Variants in ST3GAL5 observed in about 807,000 individuals in gnomAD.
ST3GAL5 encodes the protein lactosylceramide alpha-2,3-sialyltransferase.
In ST3GAL5, 25 loss-of-function variants were observed where a neutral mutation model predicts 46.1. The ratio of observed to expected loss-of-function variants is 0.54; its 90% CI spans 0.40 to 0.76. ST3GAL5 has a LOEUF of 0.76. ST3GAL5 is among the 30% of genes least tolerant of loss of function. The pLI is 0.00. For synonymous variants in ST3GAL5, 182 were observed against 192.7 expected, an observed-to-expected ratio of 0.94 and a Z score of 0.46; for missense variants, 431 against 521.2, an observed-to-expected ratio of 0.83 and a Z score of 1.69.
rs373154047 is a variant in ST3GAL5 at position 85,857,066 on chromosome 2, C to CA, written c.318+4114dup. Among the ~76,000 whole-genome samples, 701 of 70,790 alleles carry CA rather than the reference C, an allele frequency of 9.9e-3. 37 individuals carry two copies. The highest frequency in any genetic ancestry group is 0.023 in the African/African-American group (387 of 16,758). 46.4% of individuals were successfully genotyped at this position (70,790 alleles called of 152,430 possible). A position where few individuals can be genotyped will look rare whatever the true frequency, so the allele number is the denominator to read the frequency against. ...AAACACGGTAAGACCCTGCCTCTAC[C>CA]AAAAAAAAAAAAAAAAAAAAAAAAA... On this transcript the variant is annotated intron_variant, in intron 3 of 6. Coordinates refer to ENST00000638572, the MANE Select transcript of ST3GAL5 (RefSeq NM_003896.4).
Position 85,852,921 on chromosome 2 carries a change from G to T in ST3GAL5, c.319-4717C>A, listed in dbSNP as rs114207176. 324 of 1,301,956 alleles carry T rather than the reference G, an allele frequency of 2.5e-4. 1 individual carries two copies. Among genetic ancestry groups the T allele is most frequent in the Admixed American group, 6.0e-4 (26 of 43,508 alleles). 80.7% of individuals were successfully genotyped at this position (1,301,956 alleles called of 1,614,324 possible). A position where few individuals can be genotyped will look rare whatever the true frequency, so the allele number is the denominator to read the frequency against. On this transcript the variant is annotated intron_variant, in intron 3 of 6. Transcript: ENST00000638572. ...GCAGCACTAAGGAGAGAAAAGACTC[G>T]GTTTGAAGATGCTGGTGCCTGGGCT...
At chr2:85,842,990 T>G (rs1270571971) in intron 6 of ST3GAL5, among the ~76,000 whole-genome samples, 3 of 152,170 alleles carry the variant, frequency 2.0e-5, no homozygotes, top group Non-Finnish European at 2.9e-5. Flanking sequence ...ACTCCTGACC[T>G]CAGGTGATCT....
chr2:85,846,419 A>C lies in ST3GAL5; in HGVS notation c.807T>G (p.Val269=). 6.2e-7 allele frequency: 1 copy of C among 1,614,210 alleles called. No homozygotes were observed. The highest frequency in any genetic ancestry group is 8.5e-7 in the Non-Finnish European group (1 of 1,180,038). ...DLFVAVLFKS[V]DFNWLQAMVK... ...CCATTGCTTGAAGCCAGTTGAAATC[A>C]ACACTCTTAAATAAAACAGCAACAA... The change falls in exon 5 of 7, where the codon GTT becomes GTG. Residue 269 remains valine (V), a synonymous_variant. Transcript: ENST00000638572.
chr2:85,847,086 G>T (rs575732920), intron 4 of ST3GAL5, among the ~76,000 whole-genome samples: 1 of 152,074 alleles, frequency 6.6e-6, no homozygotes, highest in Non-Finnish European at 1.5e-5. Flanking sequence ...GAGCCACTGC[G>T]CCTGGCCAGA....
At position 85,873,867 on chromosome 2, in the gene ST3GAL5, G is replaced by A. The variant is rs1306972501; in HGVS notation, c.83-10382C>T. Among the ~76,000 whole-genome samples, 5 of 152,192 alleles carry A rather than the reference G, an allele frequency of 3.3e-5. 1 individual carries two copies. The highest frequency in any genetic ancestry group is 3.3e-4 in the Admixed American group (5 of 15,274). On this transcript the variant is annotated intron_variant, in intron 1 of 6. Transcript: ENST00000638572. ...ACTTCATCCCCAGAATGTCCCCCCT[G>A]GTGGTAGGTCCAGGTGAGGATGCTG...
chr2:85,840,802 G>T (rs1272947282), intron 6 of ST3GAL5, among the ~76,000 whole-genome samples: 1 of 151,702 alleles, frequency 6.6e-6, no homozygotes, highest in Non-Finnish European at 1.5e-5. Flanking sequence ...AATTTAGCCA[G>T]GTGTGGTGGC....
At chr2:85,888,051 T>C (rs1436626144) in intron 1 of ST3GAL5, 1 of 152,194 alleles carries the variant, frequency 6.6e-6, no homozygotes, top group Non-Finnish European at 1.5e-5. Flanking sequence ...TATTTTTTTA[T>C]GATTAGAAAA....
At chr2:85,863,330 G>C (rs573543171) in intron 2 of ST3GAL5, 32 bp downstream of exon 2, 3 of 1,613,366 alleles carry the variant, frequency 1.9e-6, no homozygotes, top group East Asian at 4.5e-5. Context: ...ACCCAAAGCA[G>C]GGGGATCTAC....
chr2:85,863,109 C>A (rs1271525467), intron 2 of ST3GAL5, among the ~76,000 whole-genome samples: 1 of 152,212 alleles, frequency 6.6e-6, no homozygotes, highest in African/African-American at 2.4e-5. Context: ...CTCTCCCAGG[C>A]ATCCAGGCCA....
At chr2:85,874,813 A>G (rs1686341600) in intron 1 of ST3GAL5, among the ~76,000 whole-genome samples, 2 of 151,320 alleles carry the variant, frequency 1.3e-5, no homozygotes, top group South Asian at 4.2e-4. Context: ...AGATCCCCAC[A>G]CAAAGTTAAC....
chr2:85,864,314 T>G (rs942045901), intron 1 of ST3GAL5, among the ~76,000 whole-genome samples: 1 of 152,174 alleles, frequency 6.6e-6, no homozygotes, highest in Admixed American at 6.5e-5. Flanking sequence ...GTTTATTTTT[T>G]TTAAAAAGGA....
chr2:85,851,606 C>G, intron 3 of ST3GAL5: 1 of 1,289,404 alleles, frequency 7.8e-7, no homozygotes, highest in South Asian at 1.2e-5. Context: ...TAAGTTGAAC[C>G]GGCATCTGCT....
chr2:85,868,452 C>A (rs565761949), intron 1 of ST3GAL5, among the ~76,000 whole-genome samples: 1 of 151,704 alleles, frequency 6.6e-6, no homozygotes, highest in South Asian at 2.1e-4. Context: ...CAGGCACACA[C>A]CACCATGCCG....
chr2:85,851,273 G>T (rs1465593790), intron 3 of ST3GAL5: 1 of 1,122,152 alleles, frequency 8.9e-7, no homozygotes, highest in Non-Finnish European at 1.1e-6. Context: ...CCTTCTGACT[G>T]TGACCCCTCC....
chr2:85,863,500 G>A lies in ST3GAL5; in HGVS notation c.83-15C>T, dbSNP rs767432236. ...ACTTGGCATTGCTGTGAAGAGAGGC[G>A]AAGAGGGCAGTGGGGAAAAAGAGAG... On this transcript the variant is annotated splice_polypyrimidine_tract_variant and intron_variant, in intron 1 of 6. Transcript: ENST00000638572. The A allele has an allele frequency of 3.7e-6, 6 of 1,614,086 alleles. No individual in the cohort carries two copies. Among genetic ancestry groups the A allele is most frequent in the Admixed American group, 3.3e-5 (2 of 60,020 alleles).
At chr2:85,847,280 T>C in intron 4 of ST3GAL5, 1 of 787,916 alleles carries the variant, frequency 1.3e-6, no homozygotes, top group Non-Finnish European at 1.5e-6. Flanking sequence ...TCTTGCTGTG[T>C]CCTCTTCTTG....
In ST3GAL5 at chr2:85,861,373, A is replaced by T. The variant is rs565444725; in HGVS notation, c.207-81T>A. 3.3e-6 allele frequency: 3 copies of T among 911,332 alleles called. No individual in the cohort carries two copies. The East Asian group carries it at 7.2e-5, about 22-fold the overall frequency. The allele number at this position is 911,332 out of a possible 1,614,324, so 56.5% of individuals were successfully genotyped here. A position where few individuals can be genotyped will look rare whatever the true frequency, so the allele number is the denominator to read the frequency against. On this transcript the variant is annotated intron_variant, in intron 2 of 6. Coordinates refer to ENST00000638572, the MANE Select transcript of ST3GAL5 (RefSeq NM_003896.4). Reference sequence around the variant, plus strand: ...AATGTGAAACTGAAAACGGAATCCTAAATGAGTCTGCCTGCTATGCAGCAT... The same window carrying T: ...AATGTGAAACTGAAAACGGAATCCTTAATGAGTCTGCCTGCTATGCAGCAT...
At chr2:85,874,659 A>G (rs1452177564) in intron 1 of ST3GAL5, among the ~76,000 whole-genome samples, 1 of 152,084 alleles carries the variant, frequency 6.6e-6, no homozygotes, top group African/African-American at 2.4e-5. Context: ...CTACTAAAAT[A>G]TAAGACTCCC....
chr2:85,861,003 G>C, intron 3 of ST3GAL5, 178 bp downstream of exon 3: 2 of 615,774 alleles, frequency 3.2e-6, no homozygotes, highest in Non-Finnish European at 5.9e-6. Context: ...GGAGTAGTTA[G>C]TGGTGGGTTT....
Sources: gnomAD v4.1 joint callset for allele counts (sites outside exome capture counted in the v4.1 genomes callset) on GRCh38, gnomAD v4.1.1 for gene constraint, MANE v1.5 for transcripts, NCBI Gene and HGNC (gene_info 2026-07-23, HGNC 2026-07-21) for gene names.